The following ZNF273 variants were observed in gnomAD, a reference collection of about 807,000 sequenced individuals.
ZNF273 encodes zinc finger protein 9.
A neutral mutation model predicts 14.9 loss-of-function variants in ZNF273; 11 were observed. The ratio of observed to expected loss-of-function variants is 0.74; its 90% CI spans 0.46 to 1.22. The LOEUF (loss-of-function observed/expected upper bound fraction) is 1.22. Ranked by LOEUF, ZNF273 falls within the 50% of genes most tolerant of loss-of-function variation. The probability of loss-of-function intolerance (pLI) is 0.00; values close to 1 mark genes in which losing one functional copy is unlikely to be tolerated. For missense variants in ZNF273, 577 were observed against 660.6 expected, an observed-to-expected ratio of 0.87 and a Z score of 1.39; for synonymous variants, 199 against 223.9, an observed-to-expected ratio of 0.89 and a Z score of 0.99.
upstream of ZNF273, among the ~76,000 whole-genome samples, chr7:64,902,962 A>G (rs576275384): frequency 6.6e-6 from 1 of 152,256 alleles, no homozygotes; most frequent in South Asian, 2.1e-4. Context: ...GGGCCGCAAA[A>G]TTTATTTTCC....
intron 3 of ZNF273, among the ~76,000 whole-genome samples, chr7:64,925,465 T>C (rs1405675430): frequency 1.3e-5 from 2 of 152,174 alleles, no homozygotes; most frequent in East Asian, 3.9e-4. Context: ...TGAGACAGAG[T>C]CTCGCTCTGT....
At chr7:64,890,219 T>TGAGAGAGAGAGAGAGAGAGA (rs1388713118), downstream of ZNF273, 1 of 24,642 alleles carries the variant, frequency 4.1e-5, no homozygotes, top group Non-Finnish European at 9.4e-5. Flanking sequence ...TGTGTGTGTG[T>TGAGAGAGAGAGAGAGAGAGA]GTGAGAGAGA....
chr7:64,934,925 A>C (rs1355845951), downstream of ZNF273, among the ~76,000 whole-genome samples: 1 of 152,172 alleles, frequency 6.6e-6, no homozygotes, highest in Non-Finnish European at 1.5e-5. Flanking sequence ...ATGCCAATTC[A>C]TGAATTAGTA....
intron 1 of ZNF273, among the ~76,000 whole-genome samples, chr7:64,914,365 CTATTAT>C (rs1217377670): frequency 6.7e-6 from 1 of 148,280 alleles, no homozygotes; most frequent in Non-Finnish European, 1.5e-5. Flanking sequence ...AAAAAAAACA[CTATTAT>C]TATTACTTAT....
intron 1 of ZNF273, among the ~76,000 whole-genome samples, chr7:64,884,988 G>A (rs1791491873): frequency 6.6e-6 from 1 of 152,348 alleles, no homozygotes; most frequent in Non-Finnish European, 1.5e-5. Flanking sequence ...CCTGGCCCCA[G>A]CACCTGCCTC....
chr7:64,878,350 C>T (rs1216598644), intron 1 of ZNF273: 1 of 152,246 alleles, frequency 6.6e-6, no homozygotes, highest in Non-Finnish European at 1.5e-5. Flanking sequence ...AAGGACAACC[C>T]TGGGCCAAAG....
chr7:64,903,351 G>A lies in ZNF273; in HGVS notation c.34G>A (p.Ala12Thr). ...TGCTCCTAGAGGTCCACCTTCTGTG[G>A]CCCCGTTACCTGCAGGTATTGGGAG... ...SSAPRGPPSV[A>T]PLPAGIGRST... Residue 12 changes from alanine (A) to threonine (T), a missense_variant, in exon 1 of 4, where the codon GCC becomes ACC. Around this residue, in one of 3 missense-constraint regions of ZNF273, gnomAD observed 162 missense variants for 203.5 expected, o/e 0.80. Coordinates refer to ENST00000476120, the MANE Select transcript of ZNF273 (RefSeq NM_021148.3). The A allele has an allele frequency of 6.2e-7, 1 of 1,613,444 alleles. No individual in the cohort carries two copies.
At chr7:64,920,823 G>A (rs1043630556) in intron 3 of ZNF273, among the ~76,000 whole-genome samples, 1 of 147,566 alleles carries the variant, frequency 6.8e-6, no homozygotes, top group Middle Eastern at 3.6e-3. Context: ...AAATTCCTCC[G>A]TGAGGCGATT....
At chr7:64,900,418 T>C (rs960999477), upstream of ZNF273, among the ~76,000 whole-genome samples, 3 of 152,138 alleles carry the variant, frequency 2.0e-5, no homozygotes, top group Non-Finnish European at 2.9e-5. Context: ...TAGAAAGAAA[T>C]TGTTTAGGCA....
the ZNF273 span, among the ~76,000 whole-genome samples, chr7:64,936,947 T>C: frequency 6.6e-6 from 1 of 152,230 alleles, no homozygotes; most frequent in African/African-American, 2.4e-5. Flanking sequence ...AAAAAGCATT[T>C]GATGTTGTAC....
At chr7:64,933,523 C>T (rs1007191408), downstream of ZNF273, 3 of 152,148 alleles carry the variant, frequency 2.0e-5, no homozygotes, top group African/African-American at 7.2e-5. Flanking sequence ...CCATCTGTAC[C>T]AGAAACTCCA....
At chr7:64,886,239 G>A (rs1791570664) in intron 1 of ZNF273, among the ~76,000 whole-genome samples, 1 of 152,206 alleles carries the variant, frequency 6.6e-6, no homozygotes, top group South Asian at 2.1e-4. Flanking sequence ...TCAGTTGAAT[G>A]AGCCCAGAAC....
At position 64,928,081 on chromosome 7, in the gene ZNF273, A is replaced by T. The variant is rs1220085977; in HGVS notation, c.753A>T (p.Lys251Asn). ...KAFNQFSNLT[K>N]HKIIHPEVNP... ...TTAACCAGTTCTCAAATCTTACTAA[A>T]CATAAGATAATTCATCCTGAAGTGA... The change falls in exon 4 of 4, where the codon AAA becomes AAT. Residue 251 changes from lysine to asparagine, a missense_variant. This residue lies in a region of ZNF273 where 411 missense variants were observed against 440.4 expected (regional missense o/e 0.93). Transcript: ENST00000476120. The T allele has an allele frequency of 1.2e-6, 2 of 1,613,572 alleles. No individual in the cohort carries two copies. Among genetic ancestry groups the T allele is most frequent in the Non-Finnish European group, 8.5e-7 (1 of 1,179,606 alleles).
At chr7:64,881,145 C>G (rs1218417666), downstream of ZNF273, among the ~76,000 whole-genome samples, 1 of 152,250 alleles carries the variant, frequency 6.6e-6, no homozygotes, top group Non-Finnish European at 1.5e-5. Context: ...GGATTCCAAC[C>G]TGCCAGGGAA....
chr7:64,913,492 A>G (rs1793718970), intron 1 of ZNF273, among the ~76,000 whole-genome samples: 1 of 151,636 alleles, frequency 6.6e-6, no homozygotes, highest in Non-Finnish European at 1.5e-5. Context: ...CTTAATAAAC[A>G]TTGCAGTAGT....
At chr7:64,878,567 T>C (rs1156919268) in intron 2 of ZNF273, 1 of 152,266 alleles carries the variant, frequency 6.6e-6, no homozygotes, top group Non-Finnish European at 1.5e-5. Context: ...CAGACAAATG[T>C]CACAGAAGGT....
Position 64,928,994 on chromosome 7 carries a change from A to G in ZNF273, c.1666A>G (p.Asn556Asp), listed in dbSNP as rs775512376. Residue 556 changes from asparagine (N) to aspartate (D), a missense_variant, in exon 4 of 4, where the codon AAC (asparagine) becomes GAC (aspartate). By Grantham distance (23) the Asn-to-Asp change is conservative. This residue lies in a region of ZNF273 where 411 missense variants were observed against 440.4 expected (regional missense o/e 0.93). Transcript: ENST00000476120. The part of the protein sequence containing the change: ...RCDSAFDNTP[N>D]FSRHKRNHMG... ...TGACAGTGCTTTTGACAACACCCCA[A>G]ACTTTTCTAGACATAAAAGAAATCA... 3.0e-5 allele frequency: 48 copies of G among 1,577,238 alleles called. No homozygotes were observed. Among genetic ancestry groups the G allele is most frequent in the Non-Finnish European group, 4.0e-5 (47 of 1,164,872 alleles).
chr7:64,885,055 G>A (rs1486690549), intron 1 of ZNF273, among the ~76,000 whole-genome samples: 7 of 152,186 alleles, frequency 4.6e-5, no homozygotes, highest in South Asian at 2.1e-4. Flanking sequence ...GCCTTGGCTC[G>A]CGTGTCAGTG....
intron 1 of ZNF273, among the ~76,000 whole-genome samples, chr7:64,904,351 A>G (rs1792941722): frequency 6.6e-6 from 1 of 152,118 alleles, no homozygotes; most frequent in Non-Finnish European, 1.5e-5. Context: ...CCGCCTCCCA[A>G]AGTGCTAGGA....
Sources: gnomAD v4.1 joint callset for allele counts (sites outside exome capture counted in the v4.1 genomes callset) on GRCh38, gnomAD v4.1.1 for gene constraint, gnomAD v4.1.1 regional missense constraint, MANE v1.5 for transcripts, NCBI Gene and HGNC (gene_info 2026-07-23, HGNC 2026-07-21) for gene names.